CLCN5: variants seen among roughly 807,000 people sequenced by gnomAD.
CLCN5 encodes the protein Cl-/H+ antiporter 5, also known as H(+)/Cl(-) exchange transporter 5.
Under a neutral mutation model 54.0 loss-of-function variants are expected in CLCN5, and 17 were observed. The observed-to-expected ratio is 0.31, with a 90% CI of 0.22 to 0.47. The LOEUF (loss-of-function observed/expected upper bound fraction) is 0.47, where lower values mean the gene tolerates loss of function less well. Among genes scored for constraint, CLCN5 ranks in the 20% least tolerant of loss-of-function variants. The pLI is 1.00. For synonymous variants in CLCN5, 222 were observed against 233.0 expected (o/e 0.95, Z 0.43); for missense variants, 448 against 646.7 (o/e 0.69, Z 3.33).
chrX:49,995,270 A>G (rs1929458742), intron 3 of CLCN5, among the ~76,000 whole-genome samples: 1 of 111,899 alleles, frequency 8.9e-6, no homozygotes, highest in South Asian at 3.8e-4. Flanking sequence ...TTCTTGCACA[A>G]TAATGGCGAA....
At chrX:49,969,838 T>C (rs1364579711) in intron 3 of CLCN5, among the ~76,000 whole-genome samples, 1 of 112,030 alleles carries the variant, frequency 8.9e-6, no homozygotes, top group Non-Finnish European at 1.9e-5. Context: ...CTATCAATTA[T>C]TGAGAGAGTG....
intron 4 of CLCN5, among the ~76,000 whole-genome samples, chrX:50,049,218 A>G (rs1557188068): frequency 1.8e-5 from 2 of 111,855 alleles, no homozygotes; most frequent in East Asian, 2.8e-4. Context: ...ATAGTACCAA[A>G]TTTTTACTGT....
chrX:49,945,183 C>T (rs1243911873), intron 3 of CLCN5, among the ~76,000 whole-genome samples: 1 of 111,842 alleles, frequency 8.9e-6, no homozygotes, highest in Non-Finnish European at 1.9e-5. Context: ...TCTGATTTAA[C>T]CAGTTCATGT....
chrX:50,048,951 A>G lies in CLCN5; in HGVS notation c.163+6489A>G, dbSNP rs1932484930. On this transcript the variant is annotated intron_variant, in intron 4 of 14. Coordinates refer to ENST00000376091, the MANE Select transcript of CLCN5 (RefSeq NM_001127898.4). ...TCTATGAATATATGTATATGTAACC[A>G]CCTGTATCTACGGTAAGCTAAACAT... 3.6e-5 allele frequency among the ~76,000 whole-genome samples: 4 copies of G among 110,465 alleles called. No homozygotes were observed. In the South Asian group the frequency reaches 1.6e-3, roughly 43 times the overall value.
chrX:50,080,050 C>A (rs1933621152), intron 7 of CLCN5, among the ~76,000 whole-genome samples: 1 of 111,195 alleles, frequency 9.0e-6, no homozygotes, highest in Admixed American at 9.6e-5. Flanking sequence ...ACCTTAAATA[C>A]ATACAATAAA....
rs1368284780 is a variant in CLCN5, at chrX:50,097,387, T to A, written c.*5168T>A. ...ACGTGTGGAGTTTGCATTTCTTGGA[T>A]GGGACCTATCGGGTCACCCAGCCCA... On this transcript the variant is annotated 3_prime_UTR_variant, in exon 15 of 15. Transcript: ENST00000376091. The A allele has an allele frequency of 8.9e-6, 1 of 112,115 alleles. No homozygotes were observed. The highest frequency in any genetic ancestry group is 3.3e-5 in the African/African-American group (1 of 30,720). The allele number at this position is 112,115 out of a possible 1,213,427, so 9.2% of individuals were successfully genotyped here. A position where few individuals can be genotyped will look rare whatever the true frequency, so the allele number is the denominator to read the frequency against.
chrX:50,030,146 G>T (rs1447269761), intron 3 of CLCN5, among the ~76,000 whole-genome samples: 1 of 111,750 alleles, frequency 8.9e-6, no homozygotes, highest in East Asian at 2.8e-4. Context: ...AAGATGCCAC[G>T]GGGACTTTAG....
chrX:50,039,912 C>G (rs1443306142), intron 3 of CLCN5, among the ~76,000 whole-genome samples: 1 of 111,329 alleles, frequency 9.0e-6, no homozygotes, highest in East Asian at 2.8e-4. Context: ...AAGCTGGTCT[C>G]GAACTCCTGA....
At chrX:50,036,850 C>T (rs782315330) in intron 3 of CLCN5, among the ~76,000 whole-genome samples, 1 of 112,211 alleles carries the variant, frequency 8.9e-6, no homozygotes, top group South Asian at 3.7e-4. Flanking sequence ...TAAATTTACA[C>T]TAAAAGAAAA....
chrX:50,060,284 A>G (rs1000309775), intron 4 of CLCN5, among the ~76,000 whole-genome samples: 2 of 110,882 alleles, frequency 1.8e-5, no homozygotes, highest in Non-Finnish European at 3.8e-5. Context: ...GAGTGGGCGC[A>G]GGCCAGTGGG....
rs1934314596 is a variant in CLCN5 at position 50,097,974 on chromosome X, G to A, written c.*5755G>A. The A allele has an allele frequency of 8.9e-6, 1 of 112,294 alleles. No individual in the cohort carries two copies. Among genetic ancestry groups the A allele is most frequent in the African/African-American group, 3.2e-5 (1 of 30,795 alleles). The allele number at this position is 112,294 out of a possible 1,213,427, so 9.3% of individuals were successfully genotyped here. A position where few individuals can be genotyped will look rare whatever the true frequency, so the allele number is the denominator to read the frequency against. ...GAGAAGAGAGTGTGGCCTGAGAGGG[G>A]AATGTTCAGCCTCACTGTCACATTA... On this transcript the variant is annotated 3_prime_UTR_variant, in exon 15 of 15. Coordinates refer to ENST00000376091, the MANE Select transcript of CLCN5 (RefSeq NM_001127898.4).
chrX:49,949,413 T>G (rs1214694025), intron 3 of CLCN5, among the ~76,000 whole-genome samples: 1 of 112,410 alleles, frequency 8.9e-6, no homozygotes, highest in Admixed American at 9.4e-5. Flanking sequence ...CCCTTTGTAT[T>G]AATGCTGATG....
intron 3 of CLCN5, among the ~76,000 whole-genome samples, chrX:50,036,938 T>G (rs1388332628): frequency 5.3e-5 from 6 of 112,356 alleles, no homozygotes; most frequent in Non-Finnish European, 9.4e-5. Flanking sequence ...CTAAGATTTG[T>G]AGAAACCTTG....
intron 12 of CLCN5, 39 bp downstream of exon 12, chrX:50,088,923 G>A (rs2147601897): frequency 8.9e-7 from 1 of 1,127,607 alleles, no homozygotes; most frequent in East Asian, 3.0e-5. Context: ...TGCTACCCAG[G>A]TGACATACAA....
chrX:50,038,612 C>T (rs1557186778), intron 3 of CLCN5, among the ~76,000 whole-genome samples: 1 of 111,958 alleles, frequency 8.9e-6, no homozygotes, highest in East Asian at 2.8e-4. Flanking sequence ...CTCATAATCC[C>T]GGAACAGGAT....
chrX:50,017,089 G>A (rs1569538805), intron 3 of CLCN5, among the ~76,000 whole-genome samples: 1 of 111,656 alleles, frequency 9.0e-6, no homozygotes, highest in Non-Finnish European at 1.9e-5. Context: ...TGCTATAAAC[G>A]TTTGTGTGCA....
At chrX:50,044,588 G>A (rs926777060) in intron 4 of CLCN5, among the ~76,000 whole-genome samples, 1 of 111,241 alleles carries the variant, frequency 9.0e-6, no homozygotes, top group Non-Finnish European at 1.9e-5. Context: ...GATTATCATT[G>A]GTTCTTATAG....
chrX:50,081,698 G>T lies in CLCN5; in HGVS notation c.784G>T (p.Val262Phe). The change falls in exon 9 of 15, where the codon GTT becomes TTT. Residue 262 changes from valine (V) to phenylalanine (F), a missense_variant. Transcript: ENST00000376091. ...GGGCTATTTGGGTAAGTGGACTCTG[G>T]TTATCAAAACCATCACCTTGGTGCT... Reference protein sequence around the residue: ...IRGYLGKWTLVIKTITLVLAV... With the variant: ...IRGYLGKWTLFIKTITLVLAV... 8.3e-7 allele frequency: 1 copy of T among 1,211,271 alleles called. No homozygotes were observed. Among genetic ancestry groups the T allele is most frequent in the South Asian group, 1.8e-5 (1 of 56,957 alleles).
chrX:49,948,720 A>G (rs782622297), intron 3 of CLCN5, among the ~76,000 whole-genome samples: 9 of 112,062 alleles, frequency 8.0e-5, no homozygotes, highest in Non-Finnish European at 5.6e-5. Flanking sequence ...TTCAGCAGGT[A>G]ACAGTAAGTA....
Sources: gnomAD v4.1 joint callset for allele counts (sites outside exome capture counted in the v4.1 genomes callset) on GRCh38, gnomAD v4.1.1 for gene constraint, MANE v1.5 for transcripts, NCBI Gene and HGNC (gene_info 2026-07-23, HGNC 2026-07-21) for gene names.